ZFPM1: variants seen among roughly 807,000 people sequenced by gnomAD.
ZFPM1 encodes the protein zinc finger protein, FOG family member 1.
Under a neutral mutation model 46.3 loss-of-function variants are expected in ZFPM1, and 28 were observed. That is an observed-to-expected ratio of 0.60 (90% CI 0.45 to 0.83). The LOEUF is 0.83. Ranked by LOEUF, ZFPM1 falls within the 40% of genes least tolerant of loss-of-function variation. The pLI, the probability that ZFPM1 is intolerant of heterozygous loss-of-function variation, is 0.00. For synonymous variants in ZFPM1, 957 were observed against 675.9 expected (o/e 1.42, Z -6.45); for missense variants, 1,878 against 1,432.4 (o/e 1.31, Z -5.02).
At chr16:88,523,237 C>A (rs1195995004) in intron 4 of ZFPM1, among the ~76,000 whole-genome samples, 2 of 152,026 alleles carry the variant, frequency 1.3e-5, no homozygotes, top group African/African-American at 4.8e-5. Flanking sequence ...CCCCCTTCCC[C>A]CTTGCTCCCC....
At chr16:88,484,816 G>A (rs1044855841) in intron 1 of ZFPM1, among the ~76,000 whole-genome samples, 5 of 152,198 alleles carry the variant, frequency 3.3e-5, no homozygotes, top group African/African-American at 9.7e-5. Flanking sequence ...TGCACTCAGC[G>A]CCACTCCACA....
At chr16:88,520,372 T>A (rs1448255721) in intron 4 of ZFPM1, among the ~76,000 whole-genome samples, 1 of 150,156 alleles carries the variant, frequency 6.7e-6, no homozygotes, top group African/African-American at 2.5e-5. Flanking sequence ...GGTGGATGGA[T>A]GAGTGGATGG....
chr16:88,510,385 C>A (rs1478241194), intron 3 of ZFPM1, among the ~76,000 whole-genome samples: 1 of 152,222 alleles, frequency 6.6e-6, no homozygotes, highest in African/African-American at 2.4e-5. Flanking sequence ...GCCTGGTCCT[C>A]GGTCCCCCAC....
intron 5 of ZFPM1, among the ~76,000 whole-genome samples, chr16:88,527,559 G>A (rs1204956075): frequency 1.3e-5 from 2 of 152,252 alleles, no homozygotes; most frequent in South Asian, 2.1e-4. Flanking sequence ...CACCGCAGGG[G>A]ACACACAGCC....
At chr16:88,467,419 G>A (rs531781708) in intron 1 of ZFPM1, among the ~76,000 whole-genome samples, 24 of 152,168 alleles carry the variant, frequency 1.6e-4, no homozygotes, top group Admixed American at 1.4e-3. Context: ...CCCTCCCAGC[G>A]GTGCCCACCC....
Position 88,510,712 on chromosome 16 carries a change from AAG to A in ZFPM1, c.269-3672_269-3671del, listed in dbSNP as rs1910909626. 2.0e-5 allele frequency among the ~76,000 whole-genome samples: 3 copies of A among 152,268 alleles called. No individual in the cohort carries two copies. The South Asian group carries it at 6.2e-4, about 32-fold the overall frequency. On this transcript the variant is annotated intron_variant, in intron 3 of 9. Transcript: ENST00000319555. ...ATGGGGAAACTGAGGTCAGAGCAGG[AAG>A]AGTCAGCCACGGGGCCACCAGCCGC...
At chr16:88,499,516 G>A (rs1910131206) in intron 3 of ZFPM1, among the ~76,000 whole-genome samples, 2 of 152,212 alleles carry the variant, frequency 1.3e-5, no homozygotes, top group African/African-American at 2.4e-5. Context: ...GGGCCAGGGG[G>A]CAGGCAGGAC....
chr16:88,523,710 C>A (rs1178190540), intron 4 of ZFPM1, among the ~76,000 whole-genome samples: 1 of 152,172 alleles, frequency 6.6e-6, no homozygotes, highest in Non-Finnish European at 1.5e-5. Flanking sequence ...GCGGCAGGCC[C>A]CTCTGAGAGT....
In ZFPM1 at chr16:88,532,848, G is replaced by A. The variant is rs778425995; in HGVS notation, c.1102G>A (p.Val368Ile). 1.9e-6 allele frequency: 3 copies of A among 1,613,500 alleles called. No homozygotes were observed. Among genetic ancestry groups the A allele is most frequent in the Non-Finnish European group, 1.7e-6 (2 of 1,179,976 alleles). The change falls in exon 9 of 10, where the codon GTC becomes ATC. Residue 368 changes from valine to isoleucine, a missense_variant. Physicochemically the swap from Val to Ile is conservative, Grantham distance 29. Transcript: ENST00000319555. Reference sequence around the variant, plus strand: ...AAGGGACATCCTCTACAGCCACTTGGTCACCAACCACATGGTCTGCCAGCC... The same window carrying A: ...AAGGGACATCCTCTACAGCCACTTGATCACCAACCACATGGTCTGCCAGCC... The part of the protein sequence containing the change: ...TTRDILYSHL[V>I]TNHMVCQPGS...
rs1192775934 is a variant in ZFPM1 at position 88,455,442 on chromosome 16, G to A, written c.40+1764G>A. ...CCGCGGACCCTCCCTGTCGCTCGCGGCCCGGGGCGCCTCCTCCCCATGGCA... is the reference window on the plus strand; with the variant it reads ...CCGCGGACCCTCCCTGTCGCTCGCGACCCGGGGCGCCTCCTCCCCATGGCA... On this transcript the variant is annotated intron_variant, in intron 1 of 9. Coordinates refer to ENST00000319555, the MANE Select transcript of ZFPM1 (RefSeq NM_153813.3). Among the ~76,000 whole-genome samples, 4 of 151,986 alleles carry A rather than the reference G, an allele frequency of 2.6e-5. No homozygotes were observed. The East Asian group carries it at 7.8e-4, about 30-fold the overall frequency.
intron 2 of ZFPM1, among the ~76,000 whole-genome samples, chr16:88,488,730 G>A (rs1028141325): frequency 8.5e-5 from 13 of 152,316 alleles, no homozygotes; most frequent in South Asian, 4.1e-4. Context: ...AGCTGGCGAC[G>A]GCGCATGTGC....
At chr16:88,457,407 T>C (rs7206699) in intron 1 of ZFPM1, among the ~76,000 whole-genome samples, 76,227 of 152,096 alleles carry the variant, frequency 0.5, 19,755 homozygotes, top group African/African-American at 0.63. Context: ...GTTACTGTGC[T>C]TTCCACAGCT....
chr16:88,465,879 G>A (rs1296816191), intron 1 of ZFPM1, among the ~76,000 whole-genome samples: 5 of 152,234 alleles, frequency 3.3e-5, no homozygotes, highest in African/African-American at 9.6e-5. Flanking sequence ...TAATCCTCCT[G>A]CTGAGGGACA....
chr16:88,470,175 G>A (rs1746855552), intron 1 of ZFPM1, among the ~76,000 whole-genome samples: 1 of 152,188 alleles, frequency 6.6e-6, no homozygotes, highest in South Asian at 2.1e-4. Context: ...CATCGCCTGT[G>A]GAGAGCCACG....
Position 88,467,042 on chromosome 16 carries a change from C to T in ZFPM1, c.40+13364C>T, listed in dbSNP as rs139932671. Among the ~76,000 whole-genome samples, 1,368 of 152,236 alleles carry T rather than the reference C, an allele frequency of 9.0e-3. 53 individuals are homozygous for T. The highest frequency in any genetic ancestry group is 0.06 in the Admixed American group (918 of 15,298). On this transcript the variant is annotated intron_variant, in intron 1 of 9. Coordinates refer to ENST00000319555, the MANE Select transcript of ZFPM1 (RefSeq NM_153813.3). ...CCACCTCTCCAAAGCCCTCTCTGCC[C>T]GCAGCCCACCCTCCCTGAATCCTAC...
Position 88,534,334 on chromosome 16 carries a change from C to A in ZFPM1, c.2376C>A (p.Asp792Glu). 7.3e-7 allele frequency: 1 copy of A among 1,364,616 alleles called. No individual in the cohort carries two copies. Among genetic ancestry groups the A allele is most frequent in the Non-Finnish European group, 9.4e-7 (1 of 1,059,834 alleles). The allele number at this position is 1,364,616 out of a possible 1,614,324, so 84.5% of individuals were successfully genotyped here. The stretch of plus-strand genomic sequence containing the variant: ...CGCGCTCGCCCGGCCCCGCGGCCGA[C>A]GGCCCCATCGACCTGAGCAAGAAGC... The part of the protein sequence containing the change: ...APARSPGPAA[D>E]GPIDLSKKPR... The change falls in exon 10 of 10, where the codon GAC (aspartate) becomes GAA (glutamate). Residue 792 changes from aspartate (D) to glutamate (E), a missense_variant. Transcript: ENST00000319555.
At chr16:88,462,268 TCAG>T (rs1907931701) in intron 1 of ZFPM1, among the ~76,000 whole-genome samples, 1 of 152,146 alleles carries the variant, frequency 6.6e-6, no homozygotes, top group Non-Finnish European at 1.5e-5. Flanking sequence ...TTCCGAGAGC[TCAG>T]GCCCTGACTC....
In ZFPM1 at chr16:88,510,554, G is replaced by A. The variant is rs994582491; in HGVS notation, c.269-3833G>A. Among the ~76,000 whole-genome samples, 6 of 152,358 alleles carry A rather than the reference G, an allele frequency of 3.9e-5. No homozygotes were observed. The South Asian group carries it at 1.2e-3, about 32-fold the overall frequency. ...ACAGCGTGTTTGTTCTGGAAATGGC[G>A]TGTGCAGTCTTGTTTGCCTGAATAA... On this transcript the variant is annotated intron_variant, in intron 3 of 9. Transcript: ENST00000319555.
rs1450154940 is a variant in ZFPM1, at chr16:88,453,609, G to T, written c.-30G>T. ...CGCCGCCCGCCCGGGGCTAGAGGCG[G>T]CCGCCGGGAGGGCGCGCGGCGCCGG... On this transcript the variant is annotated 5_prime_UTR_variant, in exon 1 of 10. Coordinates refer to ENST00000319555, the MANE Select transcript of ZFPM1 (RefSeq NM_153813.3). The T allele has an allele frequency of 9.2e-7, 1 of 1,087,320 alleles. No individual in the cohort carries two copies. Among genetic ancestry groups the T allele is most frequent in the Non-Finnish European group, 1.1e-6 (1 of 885,732 alleles). The allele number at this position is 1,087,320 out of a possible 1,614,324, so 67.4% of individuals were successfully genotyped here. A position where few individuals can be genotyped will look rare whatever the true frequency, so the allele number is the denominator to read the frequency against.
Sources: gnomAD v4.1 joint callset for allele counts (sites outside exome capture counted in the v4.1 genomes callset) on GRCh38, gnomAD v4.1.1 for gene constraint, MANE v1.5 for transcripts, NCBI Gene and HGNC (gene_info 2026-07-23, HGNC 2026-07-21) for gene names.